SLC25A12: variants seen among roughly 807,000 people sequenced by gnomAD.
SLC25A12 encodes the protein solute carrier family 25 member 12.
SLC25A12 carries 32 observed loss-of-function variants against 83.3 expected under a neutral mutation model. The observed-to-expected ratio is 0.38, with a 90% confidence interval of 0.29 to 0.52. The LOEUF is 0.52. Ranked by LOEUF, SLC25A12 falls within the 20% of genes least tolerant of loss-of-function variation. SLC25A12 has a pLI of 0.84. For missense variants in SLC25A12, 611 were observed against 835.6 expected, an observed-to-expected ratio of 0.73 and a Z score of 3.31; for synonymous variants, 267 against 291.1, an observed-to-expected ratio of 0.92 and a Z score of 0.84.
intron 5 of SLC25A12, among the ~76,000 whole-genome samples, chr2:171,843,416 T>C (rs1360510362): frequency 7.3e-5 from 2 of 27,498 alleles, no homozygotes; most frequent in Non-Finnish European, 1.3e-4. Context: ...GGCAGATCAC[T>C]TGAGGCCAGG....
intron 7 of SLC25A12, 181 bp from the exon 8 acceptor site, chr2:171,834,237 G>C (rs1248008827): frequency 3.6e-6 from 2 of 553,322 alleles, no homozygotes; most frequent in Non-Finnish European, 6.5e-6. Flanking sequence ...CTGAAGGCTG[G>C]TAAAAGATAA....
At chr2:171,894,146 C>CAGGG in intron 1 of SLC25A12, 57 bp downstream of exon 1, 3 of 1,586,414 alleles carry the variant, frequency 1.9e-6, no homozygotes, top group South Asian at 1.1e-5. Context: ...GGGCTGCAGG[C>CAGGG]AGGGCGCTCG....
intron 10 of SLC25A12, 50 bp from the exon 11 acceptor site, chr2:171,813,547 G>C (rs781549014): frequency 1.8e-5 from 28 of 1,567,328 alleles, no homozygotes; most frequent in Non-Finnish European, 2.5e-5. Context: ...ATTAAATGGA[G>C]AGTCCATAAG....
intron 11 of SLC25A12, among the ~76,000 whole-genome samples, chr2:171,811,631 A>G (rs1207098890): frequency 6.6e-6 from 1 of 152,198 alleles, no homozygotes; most frequent in African/African-American, 2.4e-5. Context: ...GCTCACATAC[A>G]GGACTCCTAC....
chr2:171,829,333 A>T lies in SLC25A12; in HGVS notation c.846-2451T>A, dbSNP rs191525814. The stretch of plus-strand genomic sequence containing the variant: ...CTTCATGGCCCTATATCAAAACCCA[A>T]CCATCTGCAAAACTCCCAGAACCTG... On this transcript the variant is annotated intron_variant, in intron 8 of 17. Transcript: ENST00000422440. 2.1e-4 allele frequency among the ~76,000 whole-genome samples: 32 copies of T among 151,990 alleles called. No individual in the cohort carries two copies. The East Asian group carries it at 6.0e-3, about 29-fold the overall frequency.
chr2:171,842,722 T>G (rs1684704990), intron 5 of SLC25A12, among the ~76,000 whole-genome samples: 1 of 152,182 alleles, frequency 6.6e-6, no homozygotes, highest in African/African-American at 2.4e-5. Context: ...AGAAAGTGAC[T>G]GCTTAATGGA....
chr2:171,814,144 T>C (rs1199610197), intron 10 of SLC25A12, among the ~76,000 whole-genome samples: 2 of 151,980 alleles, frequency 1.3e-5, no homozygotes, highest in African/African-American at 4.8e-5. Context: ...TTGCAACTTC[T>C]AAAACTGAGA....
intron 3 of SLC25A12, among the ~76,000 whole-genome samples, chr2:171,867,865 G>C (rs1457957232): frequency 6.6e-6 from 1 of 152,160 alleles, no homozygotes; most frequent in Non-Finnish European, 1.5e-5. Flanking sequence ...ATTTTTCTGA[G>C]ATGGAGCCTC....
intron 13 of SLC25A12, among the ~76,000 whole-genome samples, chr2:171,806,620 A>C (rs1047490378): frequency 1.2e-4 from 18 of 152,348 alleles, no homozygotes; most frequent in African/African-American, 3.8e-4. Context: ...TTTCCATGGC[A>C]ATAAAATTTC....
intron 4 of SLC25A12, 60 bp downstream of exon 4, chr2:171,855,774 G>T: frequency 1.1e-6 from 1 of 943,768 alleles, no homozygotes; most frequent in South Asian, 1.3e-5. Context: ...ACTAGATTCA[G>T]CAATTGAAGA....
At chr2:171,820,192 C>A (rs1684155354) in intron 9 of SLC25A12, among the ~76,000 whole-genome samples, 1 of 152,118 alleles carries the variant, frequency 6.6e-6, no homozygotes, top group African/African-American at 2.4e-5. Flanking sequence ...ACCTATGTAA[C>A]AAACCTTCAC....
intron 8 of SLC25A12, among the ~76,000 whole-genome samples, chr2:171,831,207 G>A (rs1295149433): frequency 2.0e-5 from 3 of 152,314 alleles, no homozygotes; most frequent in East Asian, 1.9e-4. Context: ...GGACCTAAGG[G>A]AGCCTGGGAC....
intron 9 of SLC25A12, among the ~76,000 whole-genome samples, chr2:171,822,351 A>G (rs1476597005): frequency 1.3e-5 from 2 of 152,152 alleles, no homozygotes; most frequent in African/African-American, 2.4e-5. Context: ...TGTAATTCCC[A>G]TAACAATCCT....
intron 2 of SLC25A12, among the ~76,000 whole-genome samples, chr2:171,888,590 C>T (rs186396109): frequency 2.6e-5 from 4 of 151,892 alleles, no homozygotes; most frequent in Admixed American, 6.6e-5. Flanking sequence ...TACAGGCGTG[C>T]GCTACCACAT....
intron 13 of SLC25A12, among the ~76,000 whole-genome samples, chr2:171,802,353 A>T (rs1456661645): frequency 6.6e-6 from 1 of 152,198 alleles, no homozygotes; most frequent in Non-Finnish European, 1.5e-5. Context: ...TACTACAAAC[A>T]AATAAACAAA....
chr2:171,808,851 C>A (rs1046109876), intron 13 of SLC25A12, among the ~76,000 whole-genome samples: 3 of 151,880 alleles, frequency 2.0e-5, no homozygotes, highest in Non-Finnish European at 4.4e-5. Context: ...TCCCCCAACC[C>A]CCAACCCCCA....
At chr2:171,794,125 G>A (rs1418913319) in intron 13 of SLC25A12, among the ~76,000 whole-genome samples, 1 of 152,158 alleles carries the variant, frequency 6.6e-6, no homozygotes, top group African/African-American at 2.4e-5. Context: ...CTCAATGAAA[G>A]AAAAAGAGAT....
At chr2:171,879,153 T>C (rs1386898804) in intron 2 of SLC25A12, among the ~76,000 whole-genome samples, 3 of 152,372 alleles carry the variant, frequency 2.0e-5, no homozygotes, top group South Asian at 4.1e-4. Context: ...ACAAGGATTT[T>C]AATTAGTAAT....
At chr2:171,831,990 A>T (rs537458747) in intron 8 of SLC25A12, among the ~76,000 whole-genome samples, 11 of 152,126 alleles carry the variant, frequency 7.2e-5, no homozygotes, top group African/African-American at 2.6e-4. Context: ...TATATAAAGG[A>T]GCTCTAATTA....
Sources: gnomAD v4.1 joint callset for allele counts (sites outside exome capture counted in the v4.1 genomes callset) on GRCh38, gnomAD v4.1.1 for gene constraint, MANE v1.5 for transcripts, NCBI Gene and HGNC (gene_info 2026-07-23, HGNC 2026-07-21) for gene names.